The following XIRP2 variants were observed in gnomAD, a reference collection of about 807,000 sequenced individuals.
XIRP2 encodes xin actin-binding repeat-containing protein 2.
Under a neutral mutation model 277.0 loss-of-function variants are expected in XIRP2, and 236 were observed. The observed-to-expected ratio is 0.85, with a 90% CI of 0.77 to 0.95. The LOEUF (loss-of-function observed/expected upper bound fraction) is 0.95, where lower values mean the gene tolerates loss of function less well. Among genes scored for constraint, XIRP2 ranks in the 40% least tolerant of loss-of-function variants. XIRP2 has a pLI of 0.00. For synonymous variants in XIRP2, 1,490 were observed against 1,416.5 expected, an observed-to-expected ratio of 1.05 and a Z score of -1.17; for missense variants, 4,640 against 4,157.5, an observed-to-expected ratio of 1.12 and a Z score of -3.19.
chr2:167,240,701 A>G lies in XIRP2; in HGVS notation c.1007A>G (p.Gln336Arg), dbSNP rs761946690. 2 of 1,613,934 alleles carry G rather than the reference A, an allele frequency of 1.2e-6. No homozygotes were observed. The highest frequency in any genetic ancestry group is 2.2e-5 in the South Asian group (2 of 91,080). Residue 336 changes from glutamine to arginine, a missense_variant, in exon 7 of 11, where the codon CAA becomes CGA. Gln to Arg is a conservative substitution (Grantham distance 43, BLOSUM62 1). Coordinates refer to ENST00000409195, the MANE Select transcript of XIRP2 (RefSeq NM_152381.6). ...HLEKHTEEVN[Q>R]ASQFHQYVQE... is the part of the protein sequence containing the mutation. ...GAAAAGCACACCGAGGAAGTAAACC[A>G]AGCATCTCAGTTTCATCAATATGTT...
chr2:167,190,605 C>CCA (rs1177015068), intron 3 of XIRP2, among the ~76,000 whole-genome samples: 1 of 152,158 alleles, frequency 6.6e-6, no homozygotes, highest in East Asian at 1.9e-4. Context: ...TCATTGGAAT[C>CCA]CACCTCTTAC....
At position 167,218,198 on chromosome 2, in the gene XIRP2, T is replaced by A; in HGVS notation, c.756T>A (p.Pro252=). 6.2e-7 allele frequency: 1 copy of A among 1,606,152 alleles called. No individual in the cohort carries two copies. The highest frequency in any genetic ancestry group is 8.5e-7 in the Non-Finnish European group (1 of 1,176,796). The change falls in exon 5 of 11, where the codon CCT becomes CCA. Residue 252 remains proline (P), a synonymous_variant. Transcript: ENST00000409195. ...AAGAATCAGAAATGTGCGCAGTGCCTGGTGGTTTGGCCAAGGTGAAGAAAC... is the reference window on the plus strand; with the variant it reads ...AAGAATCAGAAATGTGCGCAGTGCCAGGTGGTTTGGCCAAGGTGAAGAAAC... ...MMEESEMCAV[P]GGLAKVKKQF...
Position 167,163,810 on chromosome 2 carries a change from G to A in XIRP2, c.562+27748G>A, listed in dbSNP as rs923830311. 2.0e-5 allele frequency among the ~76,000 whole-genome samples: 3 copies of A among 152,246 alleles called. 1 individual carries two copies. Among genetic ancestry groups the A allele is most frequent in the South Asian group, 4.1e-4 (2 of 4,828 alleles). ...TTTTACATGTAAATCTATGATCTATGTTGAATTCATTTGTATTTATAGTGT... is the reference window on the plus strand; with the variant it reads ...TTTTACATGTAAATCTATGATCTATATTGAATTCATTTGTATTTATAGTGT... On this transcript the variant is annotated intron_variant, in intron 3 of 10. Transcript: ENST00000409195.
intron 5 of XIRP2, among the ~76,000 whole-genome samples, chr2:167,233,831 T>C (rs1176477208): frequency 6.6e-6 from 1 of 151,912 alleles, no homozygotes; most frequent in African/African-American, 2.4e-5. Flanking sequence ...ATTATTTGTG[T>C]CTATGTTGGA....
chr2:167,122,066 C>G (rs1226692419), intron 2 of XIRP2, among the ~76,000 whole-genome samples: 1 of 152,066 alleles, frequency 6.6e-6, no homozygotes, highest in Non-Finnish European at 1.5e-5. Flanking sequence ...TAGCAAATAC[C>G]AAAATAATCA....
At chr2:166,936,415 A>C (rs1246755233) in intron 2 of XIRP2, among the ~76,000 whole-genome samples, 1 of 152,160 alleles carries the variant, frequency 6.6e-6, no homozygotes, top group Non-Finnish European at 1.5e-5. Context: ...TCTTTAGTTT[A>C]ATTAGATCCC....
chr2:166,972,434 G>A (rs1686603386), intron 2 of XIRP2, among the ~76,000 whole-genome samples: 1 of 152,108 alleles, frequency 6.6e-6, no homozygotes, highest in African/African-American at 2.4e-5. Context: ...CTATTTATTA[G>A]TTTGAGCTAA....
intron 2 of XIRP2, among the ~76,000 whole-genome samples, chr2:167,082,434 G>T (rs541304504): frequency 6.6e-6 from 1 of 151,926 alleles, no homozygotes; most frequent in Non-Finnish European, 1.5e-5. Context: ...ATAGCAGCAT[G>T]ATTTAGAGTT....
intron 3 of XIRP2, among the ~76,000 whole-genome samples, chr2:167,196,039 CTG>C (rs1033446228): frequency 1.3e-5 from 2 of 151,844 alleles, no homozygotes; most frequent in Non-Finnish European, 2.9e-5. Flanking sequence ...TCCCAGGCTG[CTG>C]TGTGTGTGTG....
intron 2 of XIRP2, among the ~76,000 whole-genome samples, chr2:166,956,229 T>C (rs1309707020): frequency 6.6e-6 from 1 of 151,826 alleles, no homozygotes; most frequent in Non-Finnish European, 1.5e-5. Flanking sequence ...TTAAGTGATG[T>C]GATTGGTCAT....
intron 5 of XIRP2, among the ~76,000 whole-genome samples, chr2:167,233,396 T>A (rs1694813454): frequency 6.6e-6 from 1 of 151,942 alleles, no homozygotes; most frequent in African/African-American, 2.4e-5. Context: ...TTAACACAGA[T>A]TATTCTGGCT....
intron 2 of XIRP2, among the ~76,000 whole-genome samples, chr2:167,087,363 A>T (rs1460162769): frequency 4.0e-5 from 6 of 151,062 alleles, no homozygotes; most frequent in African/African-American, 1.5e-4. Flanking sequence ...AGACAGGGAC[A>T]TTTAAGTCTG....
intron 2 of XIRP2, among the ~76,000 whole-genome samples, chr2:167,075,318 G>T (rs542635781): frequency 1.1e-4 from 16 of 152,234 alleles, no homozygotes; most frequent in Admixed American, 3.3e-4. Flanking sequence ...TGGCATAAAA[G>T]GCTATTGCCT....
At chr2:166,939,693 A>AAC (rs1553471895) in intron 2 of XIRP2, among the ~76,000 whole-genome samples, 5 of 133,496 alleles carry the variant, frequency 3.7e-5, no homozygotes, top group Non-Finnish European at 6.6e-5. Context: ...AAAAAAAAAA[A>AAC]AAAAACAAAA....
chr2:167,011,713 T>C (rs923429105), intron 2 of XIRP2, among the ~76,000 whole-genome samples: 6 of 151,704 alleles, frequency 4.0e-5, no homozygotes, highest in East Asian at 3.9e-4. Flanking sequence ...GGACTCTTTT[T>C]GGTTGGTAAG....
chr2:166,898,023 T>G (rs1343821176), intron 1 of XIRP2, among the ~76,000 whole-genome samples: 2 of 152,084 alleles, frequency 1.3e-5, no homozygotes, highest in East Asian at 3.9e-4. Context: ...GCTGTATGGT[T>G]TGTTTCCATG....
chr2:167,112,863 G>A (rs989654327), intron 2 of XIRP2, among the ~76,000 whole-genome samples: 20 of 151,972 alleles, frequency 1.3e-4, no homozygotes, highest in Middle Eastern at 3.4e-3. Flanking sequence ...TCATGTTGCC[G>A]AAGCTGATCT....
chr2:167,180,896 T>C (rs1201031381), intron 3 of XIRP2, among the ~76,000 whole-genome samples: 1 of 152,228 alleles, frequency 6.6e-6, no homozygotes, highest in African/African-American at 2.4e-5. Flanking sequence ...ATTTTTCTTT[T>C]CCTTCTGAAT....
chr2:167,082,832 T>A (rs1689781093), intron 2 of XIRP2, among the ~76,000 whole-genome samples: 1 of 152,206 alleles, frequency 6.6e-6, no homozygotes, highest in Admixed American at 6.5e-5. Flanking sequence ...CATTGTAGAT[T>A]CTGGATATTA....
Sources: gnomAD v4.1 joint callset for allele counts (sites outside exome capture counted in the v4.1 genomes callset) on GRCh38, gnomAD v4.1.1 for gene constraint, MANE v1.5 for transcripts, NCBI Gene and HGNC (gene_info 2026-07-23, HGNC 2026-07-21) for gene names.